The following PCDHA6 variants were observed in gnomAD, a reference collection of about 807,000 sequenced individuals.
PCDHA6 encodes the protein protocadherin alpha-6.
Under a neutral mutation model 60.3 loss-of-function variants are expected in PCDHA6, and 55 were observed. The observed-to-expected ratio is 0.91, with a 90% CI of 0.73 to 1.14. The LOEUF (loss-of-function observed/expected upper bound fraction) is 1.14, where lower values mean the gene tolerates loss of function less well. Among genes scored for constraint, PCDHA6 ranks in the 50% most tolerant of loss-of-function variants. The pLI is 0.00. For synonymous variants in PCDHA6, 652 were observed against 557.9 expected, an observed-to-expected ratio of 1.17 and a Z score of -2.38; for missense variants, 1,327 against 1,256.5, an observed-to-expected ratio of 1.06 and a Z score of -0.85.
At chr5:140,899,884 T>C (rs1467670856) in intron 1 of PCDHA6, among the ~76,000 whole-genome samples, 17 of 152,152 alleles carry the variant, frequency 1.1e-4, no homozygotes, top group African/African-American at 3.9e-4. Flanking sequence ...CAGAACTCAG[T>C]GCAGCCTTGA....
chr5:140,938,944 A>G (rs551824557), intron 1 of PCDHA6, among the ~76,000 whole-genome samples: 2 of 152,236 alleles, frequency 1.3e-5, no homozygotes, highest in South Asian at 2.1e-4. Context: ...TTCCATTCTT[A>G]TAATGCTCTA....
chr5:140,877,063 C>T (rs782051698), intron 1 of PCDHA6: 21 of 1,612,898 alleles, frequency 1.3e-5, no homozygotes, highest in East Asian at 2.2e-5. Context: ...GCTGGAGCTG[C>T]TGCAGTTCCA....
chr5:140,840,412 A>G (rs1776685297), intron 1 of PCDHA6, among the ~76,000 whole-genome samples: 3 of 151,982 alleles, frequency 2.0e-5, no homozygotes, highest in Non-Finnish European at 4.4e-5. Flanking sequence ...GAATACTTCA[A>G]ATAATAGGCT....
intron 1 of PCDHA6, chr5:140,875,290 A>AT (rs1231810985): frequency 7.9e-6 from 11 of 1,396,906 alleles, no homozygotes; most frequent in Non-Finnish European, 1.0e-5. Context: ...AAACAGGAAA[A>AT]TTTTTTTCTC....
rs70988781 is a variant in PCDHA6 at position 140,941,319 on chromosome 5, CTT to C, written c.2395-37616_2395-37615del. Among the ~76,000 whole-genome samples, 109 of 104,374 alleles carry C rather than the reference CTT, an allele frequency of 1.0e-3. 2 individuals are homozygous for C. Among genetic ancestry groups the C allele is most frequent in the East Asian group, 2.8e-3 (11 of 3,932 alleles). The allele number at this position is 104,374 out of a possible 152,430, so 68.5% of individuals were successfully genotyped here. A position where few individuals can be genotyped will look rare whatever the true frequency, so the allele number is the denominator to read the frequency against. ...TTCTTTCTTTCTTTTTCTTCTTTCT[CTT>C]TTTTTTTTTTTTTCAGATGGAGTCT... On this transcript the variant is annotated intron_variant, in intron 1 of 3. Coordinates refer to ENST00000529310, the MANE Select transcript of PCDHA6 (RefSeq NM_018909.4).
chr5:140,995,184 T>G (rs1382886542), intron 3 of PCDHA6, among the ~76,000 whole-genome samples: 3 of 152,168 alleles, frequency 2.0e-5, no homozygotes, highest in African/African-American at 7.2e-5. Flanking sequence ...GCACCTATGA[T>G]AAAGTTTAAT....
At chr5:140,870,461 C>T (rs1554164294) in intron 1 of PCDHA6, 1 of 1,614,246 alleles carries the variant, frequency 6.2e-7, no homozygotes, top group Non-Finnish European at 8.5e-7. Context: ...AATGCGCCTG[C>T]GTTCGCACAG....
At chr5:140,862,533 G>C in intron 1 of PCDHA6, 1 of 435,668 alleles carries the variant, frequency 2.3e-6, no homozygotes, top group Non-Finnish European at 4.6e-6. Context: ...ACAGCCATCG[G>C]GTCCGTGGAA....
chr5:140,851,247 G>A (rs1554145321), intron 1 of PCDHA6: 3 of 1,093,404 alleles, frequency 2.7e-6, no homozygotes. Flanking sequence ...GCTAAATGAT[G>A]CATAGTATTT....
intron 1 of PCDHA6, among the ~76,000 whole-genome samples, chr5:140,886,071 A>G (rs985861864): frequency 3.9e-5 from 6 of 152,338 alleles, no homozygotes; most frequent in South Asian, 2.1e-4. Context: ...GCGTAGGGCC[A>G]TACCACAACC....
rs2150234771 is a variant in PCDHA6, at chr5:140,835,383, T to C, written c.2394+4898T>C. ...AGGCTTCCCACCCCTGGCTGGTCAT[T>C]GTACAGTTCTTGTGGAAGTTGTGGA... On this transcript the variant is annotated intron_variant, in intron 1 of 3. Coordinates refer to ENST00000529310, the MANE Select transcript of PCDHA6 (RefSeq NM_018909.4). The C allele has an allele frequency of 7.4e-6, 12 of 1,613,968 alleles. No individual in the cohort carries two copies. In the South Asian group the frequency reaches 1.3e-4, roughly 18 times the overall value.
At position 140,917,487 on chromosome 5, in the gene PCDHA6, A is replaced by T. The variant is rs1303002890; in HGVS notation, c.2395-61462A>T. Among the ~76,000 whole-genome samples, 3 of 152,232 alleles carry T rather than the reference A, an allele frequency of 2.0e-5. No individual in the cohort carries two copies. The East Asian group carries it at 5.8e-4, about 29-fold the overall frequency. The stretch of plus-strand genomic sequence containing the variant: ...TGTCATGAAATCTTTGCCAGGGCCT[A>T]TGCCCAGAATGATATTTTCTAGGTT... On this transcript the variant is annotated intron_variant, in intron 1 of 3. Coordinates refer to ENST00000529310, the MANE Select transcript of PCDHA6 (RefSeq NM_018909.4).
chr5:140,836,887 T>C, intron 1 of PCDHA6: 1 of 643,788 alleles, frequency 1.6e-6, no homozygotes, highest in South Asian at 2.6e-5. Context: ...CACTAATTAT[T>C]TGGAAGTACG....
At chr5:140,960,299 A>G (rs246005) in intron 1 of PCDHA6, among the ~76,000 whole-genome samples, 1 of 151,808 alleles carries the variant, frequency 6.6e-6, no homozygotes. Flanking sequence ...TTTCTTCATC[A>G]ATACCAACCT....
rs1023415818 is a variant in PCDHA6 at position 140,856,852 on chromosome 5, G to A, written c.2394+26367G>A. The stretch of plus-strand genomic sequence containing the variant: ...TAATACGGCTCAACGCTTCTGATTC[G>A]GATGAAGGAATAAACAAGGAAATGA... On this transcript the variant is annotated intron_variant, in intron 1 of 3. Coordinates refer to ENST00000529310, the MANE Select transcript of PCDHA6 (RefSeq NM_018909.4). 5.6e-6 allele frequency: 9 copies of A among 1,593,530 alleles called. No homozygotes were observed. In the African/African-American group the frequency reaches 8.1e-5, roughly 14 times the overall value.
At chr5:140,966,097 C>T (rs1215509140) in intron 1 of PCDHA6, 2 of 154,754 alleles carry the variant, frequency 1.3e-5, no homozygotes, top group Non-Finnish European at 2.9e-5. Flanking sequence ...GTTAGATCCG[C>T]CGCCTGGGTG....
chr5:140,888,586 C>T (rs1408191600), intron 1 of PCDHA6, among the ~76,000 whole-genome samples: 1 of 152,154 alleles, frequency 6.6e-6, no homozygotes, highest in East Asian at 1.9e-4. Flanking sequence ...TTTGTTAGTA[C>T]ACATTCAGAG....
In PCDHA6 at chr5:140,857,593, G is replaced by C. The variant is rs782606088; in HGVS notation, c.2394+27108G>C. ...TGTCGGTGCACGCGGAGAGCGGCAAGGTGTACGCGCTGCAGCCGCTGGACC... is the reference window on the plus strand; with the variant it reads ...TGTCGGTGCACGCGGAGAGCGGCAACGTGTACGCGCTGCAGCCGCTGGACC... On this transcript the variant is annotated intron_variant, in intron 1 of 3. Coordinates refer to ENST00000529310, the MANE Select transcript of PCDHA6 (RefSeq NM_018909.4). 2.5e-6 allele frequency: 4 copies of C among 1,596,536 alleles called. No individual in the cohort carries two copies. The East Asian group carries it at 6.7e-5, about 27-fold the overall frequency.
Position 140,894,245 on chromosome 5 carries a change from C to T in PCDHA6, c.2394+63760C>T, listed in dbSNP as rs1273703512. ...AGATGTTGAATGACAATGTAATTTT[C>T]TTTTCTTTACAAGTGGTAGCTTATT... On this transcript the variant is annotated intron_variant, in intron 1 of 3. Coordinates refer to ENST00000529310, the MANE Select transcript of PCDHA6 (RefSeq NM_018909.4). 4.0e-5 allele frequency among the ~76,000 whole-genome samples: 6 copies of T among 151,858 alleles called. No homozygotes were observed. In the East Asian group the frequency reaches 1.2e-3, roughly 29 times the overall value.
Sources: allele counts gnomAD v4.1 joint callset (sites outside exome capture counted in the v4.1 genomes callset), GRCh38; gene constraint gnomAD v4.1.1; transcripts MANE v1.5; gene names NCBI Gene and HGNC (gene_info 2026-07-23, HGNC 2026-07-21).